FXYD3: variants seen among roughly 807,000 people sequenced by gnomAD.
FXYD3 encodes the protein FXYD domain-containing ion transport regulator 3.
FXYD3 carries 13 observed loss-of-function variants against 19.2 expected under a neutral mutation model. That is an observed-to-expected ratio of 0.68 (90% CI 0.44 to 1.08). FXYD3 has a LOEUF of 1.08. Ranked by LOEUF, FXYD3 falls within the 50% of genes least tolerant of loss-of-function variation. FXYD3 has a pLI of 0.00. For missense variants in FXYD3, 101 were observed against 109.4 expected, an observed-to-expected ratio of 0.92 and a Z score of 0.34; for synonymous variants, 48 against 38.9, an observed-to-expected ratio of 1.23 and a Z score of -0.87.
chr19:35,117,317 G>T, intron 2 of FXYD3: 1 of 1,510,776 alleles, frequency 6.6e-7, no homozygotes, highest in South Asian at 1.3e-5. Flanking sequence ...TGGGAAGGGG[G>T]TATAGTGGGG....
At chr19:35,120,706 T>C (rs908992495) in intron 3 of FXYD3, among the ~76,000 whole-genome samples, 5 of 152,150 alleles carry the variant, frequency 3.3e-5, no homozygotes, top group South Asian at 2.1e-4. Flanking sequence ...TTGAGCATGA[T>C]TGGACTTGGG....
chr19:35,116,876 G>A (rs2064900750), intron 2 of FXYD3: 1 of 938,798 alleles, frequency 1.1e-6, no homozygotes, highest in Non-Finnish European at 1.2e-6. Context: ...AGGAAAAAAG[G>A]ATGGAGCTGC....
At chr19:35,118,934 C>T (rs2064967567) in intron 2 of FXYD3, among the ~76,000 whole-genome samples, 1 of 152,206 alleles carries the variant, frequency 6.6e-6, no homozygotes. Flanking sequence ...CCCGCTTCCC[C>T]AAACACCCCA....
Position 35,123,517 on chromosome 19 carries a change from T to G in FXYD3, c.*60T>G. ...GTTCTCTGTCCCCAGGTCCTGTCTC[T>G]GCACAGAAACTTGAACTCCAGGATG... is the stretch of plus-strand genomic sequence containing the variant. On this transcript the variant is annotated 3_prime_UTR_variant, in exon 9 of 9. Transcript: ENST00000604404. The G allele has an allele frequency of 1.3e-6, 2 of 1,584,684 alleles. No homozygotes were observed. Among genetic ancestry groups the G allele is most frequent in the Non-Finnish European group, 1.7e-6 (2 of 1,153,638 alleles).
intron 2 of FXYD3, chr19:35,117,357 C>A (rs774584963): frequency 4.0e-6 from 6 of 1,505,684 alleles, no homozygotes. Context: ...CTTGGAGGAG[C>A]CCCTGGAAAG....
In FXYD3 at chr19:35,121,218, G is replaced by A. The variant is rs780973368; in HGVS notation, c.74-4G>A. The A allele has an allele frequency of 2.5e-6, 4 of 1,613,426 alleles. No individual in the cohort carries two copies. In the Admixed American group the frequency reaches 6.7e-5, roughly 27 times the overall value. ...GATTCATGATCTTTTTTCTTTCCTT[G>A]CAGATAAAAACAGTCCTTTCTACTA... On this transcript the variant is annotated splice_region_variant and splice_polypyrimidine_tract_variant and intron_variant, in intron 4 of 8. Transcript: ENST00000604404.
At position 35,123,759 on chromosome 19, in the gene FXYD3, G is replaced by A. The variant is rs1303711935; in HGVS notation, c.*302G>A. On this transcript the variant is annotated 3_prime_UTR_variant, in exon 9 of 9. Transcript: ENST00000604404. Reference sequence around the variant, plus strand: ...TGACACAGAGGCTGGCACTGAGCCTGCTTGTTGGGAAAAGCCCACAGGCCT... The same window carrying A: ...TGACACAGAGGCTGGCACTGAGCCTACTTGTTGGGAAAAGCCCACAGGCCT... The A allele has an allele frequency of 4.0e-6, 2 of 499,510 alleles. No individual in the cohort carries two copies. Among genetic ancestry groups the A allele is most frequent in the Non-Finnish European group, 7.2e-6 (2 of 277,224 alleles). 30.9% of individuals were successfully genotyped at this position (499,510 alleles called of 1,614,324 possible). A position where few individuals can be genotyped will look rare whatever the true frequency, so the allele number is the denominator to read the frequency against.
At chr19:35,120,994 C>G in intron 3 of FXYD3, 84 bp from the exon 4 acceptor site, 1 of 1,465,328 alleles carries the variant, frequency 6.8e-7, no homozygotes. Context: ...TTTCCCAAGG[C>G]CCCTGAAACT....
rs779225395 is a variant in FXYD3, at chr19:35,123,220, G to C, written c.210-51G>C. On this transcript the variant is annotated intron_variant, in intron 7 of 8. Coordinates refer to ENST00000604404, the MANE Select transcript of FXYD3 (RefSeq NM_005971.4). The stretch of plus-strand genomic sequence containing the variant: ...CAGGCTAAGAACCCTCTATCCGGAG[G>C]GAGAGGGCAAATGGGGGCGGACACC... 1.0e-5 allele frequency: 16 copies of C among 1,546,076 alleles called. No homozygotes were observed. In the Admixed American group the frequency reaches 2.7e-4, roughly 26 times the overall value.
At chr19:35,122,620 C>T in intron 5 of FXYD3, 145 bp from the exon 6 acceptor site, 1 of 666,122 alleles carries the variant, frequency 1.5e-6, no homozygotes. Flanking sequence ...AGAATGTGAG[C>T]ACCTGGGATT....
At chr19:35,120,107 T>C (rs1045955609) in intron 3 of FXYD3, among the ~76,000 whole-genome samples, 6 of 151,670 alleles carry the variant, frequency 4.0e-5, no homozygotes, top group Admixed American at 6.6e-5. Context: ...TGCGACTGCA[T>C]CTTTAACTTC....
At chr19:35,117,301 A>T in intron 2 of FXYD3, 1 of 1,507,158 alleles carries the variant, frequency 6.6e-7, no homozygotes, top group Non-Finnish European at 8.9e-7. Context: ...TGGCTGGATG[A>T]CATCATGGGA....
At chr19:35,120,203 G>C (rs917182535) in intron 3 of FXYD3, among the ~76,000 whole-genome samples, 1 of 150,212 alleles carries the variant, frequency 6.7e-6, no homozygotes, top group Non-Finnish European at 1.5e-5. Context: ...GCAGTGGCAT[G>C]ATCTCGGCTC....
chr19:35,116,985 T>TGGTATGGA (rs2064904128), intron 2 of FXYD3: 1 of 985,140 alleles, frequency 1.0e-6, no homozygotes, highest in South Asian at 4.7e-5. Context: ...CATTCTCCCA[T>TGGTATGGA]GGTATGGAGG....
chr19:35,121,823 T>G (rs1436079963), intron 5 of FXYD3: 3 of 155,480 alleles, frequency 1.9e-5, no homozygotes, highest in African/African-American at 7.2e-5. Flanking sequence ...CTAAAAGAGC[T>G]GCCATCTGAC....
At chr19:35,120,883 CGGA>C (rs1280923859) in intron 3 of FXYD3, among the ~76,000 whole-genome samples, 192 bp from the exon 4 acceptor site, 2 of 152,210 alleles carry the variant, frequency 1.3e-5, no homozygotes, top group Non-Finnish European at 2.9e-5. Flanking sequence ...TGGCGTGACT[CGGA>C]GGTGTGGGGC....
At chr19:35,123,064 C>T in intron 7 of FXYD3, 110 bp downstream of exon 7, 1 of 1,463,422 alleles carries the variant, frequency 6.8e-7, no homozygotes, top group South Asian at 1.4e-5. Context: ...TTTAGAGTTC[C>T]TGCCGCTAAG....
chr19:35,119,648 T>TC, intron 3 of FXYD3: 1 of 480,166 alleles, frequency 2.1e-6, no homozygotes, highest in Non-Finnish European at 3.6e-6. Flanking sequence ...CTCTTCTTTT[T>TC]TTTTGGCTTT....
intron 8 of FXYD3, 50 bp downstream of exon 8, chr19:35,123,358 GTGTGTGTGTA>G (rs1372336589): frequency 3.1e-6 from 5 of 1,611,314 alleles, no homozygotes; most frequent in Non-Finnish European, 4.2e-6. Context: ...TGGTGTGTGT[GTGTGTGTGTA>G]TGTGTGTGTT....
Sources: gnomAD v4.1 joint callset for allele counts (sites outside exome capture counted in the v4.1 genomes callset) on GRCh38, gnomAD v4.1.1 for gene constraint, MANE v1.5 for transcripts, NCBI Gene and HGNC (gene_info 2026-07-23, HGNC 2026-07-21) for gene names.